Variants in MLLT3 observed in about 807,000 individuals in gnomAD.
MLLT3 encodes protein AF-9.
MLLT3 carries 4 observed loss-of-function variants against 53.2 expected under a neutral mutation model. The ratio of observed to expected loss-of-function variants is 0.08; its 90% CI spans 0.04 to 0.17. The LOEUF is 0.17. MLLT3 is among the 10% of genes least tolerant of loss of function. The pLI is 1.00. For synonymous variants in MLLT3, 283 were observed against 230.6 expected (o/e 1.23, Z -2.06); for missense variants, 569 against 684.0 (o/e 0.83, Z 1.87).
intron 2 of MLLT3, among the ~76,000 whole-genome samples, chr9:20,616,821 A>T (rs1325648667): frequency 6.6e-6 from 1 of 152,208 alleles, no homozygotes; most frequent in East Asian, 1.9e-4. Context: ...TTACAAAAAC[A>T]GTCACAAGAA....
intron 2 of MLLT3, among the ~76,000 whole-genome samples, chr9:20,503,213 C>A (rs1239977837): frequency 6.6e-6 from 1 of 152,088 alleles, no homozygotes; most frequent in Admixed American, 6.6e-5. Flanking sequence ...TTGTATGGAA[C>A]CACGAAAGAC....
intron 2 of MLLT3, among the ~76,000 whole-genome samples, chr9:20,566,119 A>G (rs1202655944): frequency 6.8e-6 from 1 of 146,450 alleles, no homozygotes; most frequent in Non-Finnish European, 1.5e-5. Flanking sequence ...ATCACATGGA[A>G]TTAACCACTT....
In MLLT3 at chr9:20,518,794, G is replaced by A. The variant is rs529557623; in HGVS notation, c.194-62008C>T. Among the ~76,000 whole-genome samples the A allele has an allele frequency of 9.2e-5, 14 of 152,138 alleles. No individual in the cohort carries two copies. The East Asian group carries it at 2.7e-3, about 29-fold the overall frequency. On this transcript the variant is annotated intron_variant, in intron 2 of 10. Transcript: ENST00000380338. ...ACATCAGACAAACCCCAAATCAAGG[G>A]ACATTCTACAAAATACCTGAAAAAG...
intron 2 of MLLT3, among the ~76,000 whole-genome samples, chr9:20,585,302 A>G (rs531786580): frequency 6.6e-6 from 1 of 152,308 alleles, no homozygotes; most frequent in Admixed American, 6.5e-5. Context: ...TTTATGGTAC[A>G]CAACATCCTG....
At chr9:20,492,162 T>C (rs1283338162) in intron 2 of MLLT3, among the ~76,000 whole-genome samples, 1 of 152,088 alleles carries the variant, frequency 6.6e-6, no homozygotes, top group East Asian at 1.9e-4. Context: ...TCCATCTTTG[T>C]CATTATTAAT....
At position 20,538,755 on chromosome 9, in the gene MLLT3, A is replaced by T. The variant is rs967139491; in HGVS notation, c.193+81899T>A. On this transcript the variant is annotated intron_variant, in intron 2 of 10. Coordinates refer to ENST00000380338, the MANE Select transcript of MLLT3 (RefSeq NM_004529.4). ...CCCTTAAAAACATAAATAAAACACCAATGTTTTTTAAAAATCTGCACAGGC... is the reference window on the plus strand; with the variant it reads ...CCCTTAAAAACATAAATAAAACACCTATGTTTTTTAAAAATCTGCACAGGC... Among the ~76,000 whole-genome samples, 4 of 152,188 alleles carry T rather than the reference A, an allele frequency of 2.6e-5. No homozygotes were observed. The East Asian group carries it at 7.7e-4, about 29-fold the overall frequency.
At chr9:20,424,705 T>C (rs1823099837) in intron 4 of MLLT3, among the ~76,000 whole-genome samples, 1 of 152,150 alleles carries the variant, frequency 6.6e-6, no homozygotes, top group Non-Finnish European at 1.5e-5. Context: ...TTCTACCTAG[T>C]GATAACAATA....
intron 4 of MLLT3, among the ~76,000 whole-genome samples, chr9:20,421,110 A>G (rs1167802577): frequency 1.3e-5 from 2 of 152,038 alleles, no homozygotes; most frequent in African/African-American, 4.8e-5. Context: ...CTAAAAATAC[A>G]AAAATTAGCC....
chr9:20,407,309 C>T (rs768726003), intron 5 of MLLT3, among the ~76,000 whole-genome samples: 2 of 152,194 alleles, frequency 1.3e-5, no homozygotes, highest in Admixed American at 1.3e-4. Flanking sequence ...AAAAATAATC[C>T]TGATGATATA....
chr9:20,536,070 A>G (rs1818475676), intron 2 of MLLT3, among the ~76,000 whole-genome samples: 1 of 152,160 alleles, frequency 6.6e-6, no homozygotes, highest in African/African-American at 2.4e-5. Context: ...AATGTAGTCA[A>G]GCAGGCAAAG....
chr9:20,365,960 C>T (rs934513908), intron 5 of MLLT3, among the ~76,000 whole-genome samples: 5 of 152,176 alleles, frequency 3.3e-5, no homozygotes, highest in African/African-American at 1.2e-4. Flanking sequence ...AGGAGATAAA[C>T]ACTTGGGTGT....
At chr9:20,567,472 G>A (rs1007284544) in intron 2 of MLLT3, among the ~76,000 whole-genome samples, 17 of 152,060 alleles carry the variant, frequency 1.1e-4, no homozygotes, top group African/African-American at 3.9e-4. Flanking sequence ...AACATAAAAT[G>A]GCACAGGAAA....
At chr9:20,450,643 G>C (rs972731676) in intron 3 of MLLT3, among the ~76,000 whole-genome samples, 1 of 152,248 alleles carries the variant, frequency 6.6e-6, no homozygotes, top group Non-Finnish European at 1.5e-5. Context: ...CTATTGCCTA[G>C]TTAATGCAAA....
chr9:20,424,649 T>C (rs183349184), intron 4 of MLLT3, among the ~76,000 whole-genome samples: 1 of 152,276 alleles, frequency 6.6e-6, no homozygotes, highest in Admixed American at 6.5e-5. Context: ...CAAAAATATA[T>C]GGCTGTGCAA....
At chr9:20,436,901 G>T (rs1264385836) in intron 4 of MLLT3, among the ~76,000 whole-genome samples, 1 of 152,102 alleles carries the variant, frequency 6.6e-6, no homozygotes, top group Non-Finnish European at 1.5e-5. Context: ...AGCAGTCACT[G>T]TGCTAATCAT....
chr9:20,616,521 C>T (rs1820836865), intron 2 of MLLT3, among the ~76,000 whole-genome samples: 2 of 152,028 alleles, frequency 1.3e-5, no homozygotes. Flanking sequence ...AAATAACCTC[C>T]CATCACCACC....
chr9:20,417,643 T>A (rs1363143331), intron 4 of MLLT3, among the ~76,000 whole-genome samples: 1 of 152,114 alleles, frequency 6.6e-6, no homozygotes, highest in African/African-American at 2.4e-5. Flanking sequence ...AATGATTGTT[T>A]AAACATAAAT....
At chr9:20,454,286 T>TG (rs1823908246) in intron 3 of MLLT3, among the ~76,000 whole-genome samples, 1 of 152,000 alleles carries the variant, frequency 6.6e-6, no homozygotes, top group African/African-American at 2.4e-5. Context: ...CGTGCGCGTA[T>TG]GGTAGGGAGT....
rs571482096 is a variant in MLLT3, at chr9:20,573,549, C to A, written c.193+47105G>T. Among the ~76,000 whole-genome samples the A allele has an allele frequency of 4.6e-5, 7 of 152,102 alleles. No homozygotes were observed. In the East Asian group the frequency reaches 1.4e-3, roughly 29 times the overall value. ...AACTAAAATGGAAATGAATGAAGAC[C>A]AGAAAAGTTAAAGAAAATGCAAATA... On this transcript the variant is annotated intron_variant, in intron 2 of 10. Coordinates refer to ENST00000380338, the MANE Select transcript of MLLT3 (RefSeq NM_004529.4).
Sources: allele counts gnomAD v4.1 joint callset (sites outside exome capture counted in the v4.1 genomes callset), GRCh38; gene constraint gnomAD v4.1.1; transcripts MANE v1.5; gene names NCBI Gene and HGNC (gene_info 2026-07-23, HGNC 2026-07-21).